Variants in RNF126 observed in about 807,000 individuals in gnomAD.
The protein encoded by RNF126 is E3 ubiquitin-protein ligase RNF126.
Under a neutral mutation model 41.9 loss-of-function variants are expected in RNF126, and 20 were observed. The observed-to-expected ratio is 0.48, with a 90% CI of 0.34 to 0.69. The LOEUF (loss-of-function observed/expected upper bound fraction) is 0.69. RNF126 is among the 30% of genes least tolerant of loss of function. The probability of loss-of-function intolerance (pLI) is 0.01; values close to 1 mark genes in which losing one functional copy is unlikely to be tolerated. For missense variants in RNF126, 433 were observed against 460.6 expected, an observed-to-expected ratio of 0.94 and a Z score of 0.55; for synonymous variants, 239 against 202.9, an observed-to-expected ratio of 1.18 and a Z score of -1.51.
intron 7 of RNF126, 113 bp from the exon 8 acceptor site, chr19:648,600 G>A (rs1182797895): frequency 1.2e-6 from 1 of 848,876 alleles, no homozygotes; most frequent in Non-Finnish European, 1.9e-6. Context: ...AGCGAGGGGA[G>A]AAAAGCCGTG....
intron 2 of RNF126, chr19:652,535 A>AG (rs900450646): frequency 3.3e-6 from 2 of 602,110 alleles, no homozygotes; most frequent in South Asian, 2.0e-5. Flanking sequence ...GAATGTGGGT[A>AG]GGGCCCCCGT....
chr19:661,255 G>C (rs934348979), intron 1 of RNF126: 3 of 152,628 alleles, frequency 2.0e-5, no homozygotes, highest in African/African-American at 7.2e-5. Flanking sequence ...GCCGAGTCAA[G>C]GCAGTGTCGG....
chr19:660,335 G>C (rs920351718), intron 1 of RNF126, among the ~76,000 whole-genome samples: 1 of 152,250 alleles, frequency 6.6e-6, no homozygotes, highest in African/African-American at 2.4e-5. Flanking sequence ...CCAGAGCCCA[G>C]GACAGCAAAG....
rs760254286 is a variant in RNF126, at chr19:652,709, G to A, written c.134+117C>T. 621 of 905,242 alleles carry A rather than the reference G, an allele frequency of 6.9e-4. 1 individual carries two copies. The highest frequency in any genetic ancestry group is 1.0e-3 in the Non-Finnish European group (580 of 567,442). The allele number at this position is 905,242 out of a possible 1,614,324, so 56.1% of individuals were successfully genotyped here. On this transcript the variant is annotated intron_variant, in intron 2 of 8. Transcript: ENST00000292363. ...AGAGAAAAGTGCTCCCGGAGCCACA[G>A]ACACCAGGGCCTGACGGCCCCACAC...
chr19:654,214 C>T (rs925357221), intron 1 of RNF126, among the ~76,000 whole-genome samples: 9 of 152,172 alleles, frequency 5.9e-5, no homozygotes, highest in African/African-American at 2.2e-4. Context: ...CAAACGATGC[C>T]AGATGCACAT....
intron 1 of RNF126, among the ~76,000 whole-genome samples, chr19:653,152 G>A (rs969224673): frequency 9.4e-5 from 14 of 148,894 alleles, no homozygotes; most frequent in East Asian, 3.9e-4. Context: ...CGTCATCAGC[G>A]CCTTGGCTGA....
At chr19:656,342 CA>C (rs1250813846) in intron 1 of RNF126, among the ~76,000 whole-genome samples, 1 of 150,966 alleles carries the variant, frequency 6.6e-6, no homozygotes, top group Non-Finnish European at 1.5e-5. Flanking sequence ...AAAACAAAAA[CA>C]AAAAAAAGAA....
At chr19:650,532 C>A in intron 4 of RNF126, 2 of 399,498 alleles carry the variant, frequency 5.0e-6, no homozygotes, top group Admixed American at 4.3e-5. Context: ...ATCCTCCCGC[C>A]TCAGCCTCCC....
intron 1 of RNF126, among the ~76,000 whole-genome samples, chr19:656,336 C>G (rs1177194658): frequency 6.6e-6 from 1 of 151,090 alleles, no homozygotes; most frequent in Non-Finnish European, 1.5e-5. Flanking sequence ...ATCTCAAAAA[C>G]AAAAACAAAA....
intron 7 of RNF126, 126 bp downstream of exon 7, chr19:648,756 G>A (rs1336600142): frequency 7.3e-6 from 5 of 680,704 alleles, no homozygotes; most frequent in Middle Eastern, 4.1e-4. Flanking sequence ...ATCACCTGAG[G>A]TCAGGAGTTC....
At chr19:648,582 C>T in intron 7 of RNF126, 95 bp from the exon 8 acceptor site, 3 of 1,021,460 alleles carry the variant, frequency 2.9e-6, no homozygotes, top group Middle Eastern at 6.0e-4. Context: ...GAGGCCGCCC[C>T]TGAGCCCAGC....
Position 648,364 on chromosome 19 carries a change from G to T in RNF126, c.786+8C>A. On this transcript the variant is annotated splice_region_variant and intron_variant, in intron 8 of 8. Transcript: ENST00000292363. ...CGGGGTGGGGGGGCGGGTGGGCGGGGCACTCACCTGCTCCAGCCAGGGCAC... is the reference window on the plus strand; with the variant it reads ...CGGGGTGGGGGGGCGGGTGGGCGGGTCACTCACCTGCTCCAGCCAGGGCAC... 3 of 510,486 alleles carry T rather than the reference G, an allele frequency of 5.9e-6. No individual in the cohort carries two copies. The highest frequency in any genetic ancestry group is 1.1e-5 in the Non-Finnish European group (3 of 278,354). 31.6% of individuals were successfully genotyped at this position (510,486 alleles called of 1,614,324 possible). A position where few individuals can be genotyped will look rare whatever the true frequency, so the allele number is the denominator to read the frequency against.
chr19:660,927 C>T (rs756254130), intron 1 of RNF126, among the ~76,000 whole-genome samples: 10 of 152,372 alleles, frequency 6.6e-5, no homozygotes, highest in East Asian at 3.9e-4. Context: ...TGGGATCACC[C>T]GCGGGGTGGA....
intron 1 of RNF126, chr19:661,211 TC>T (rs1453550092): frequency 4.6e-5 from 7 of 152,344 alleles, no homozygotes; most frequent in African/African-American, 7.2e-5. Context: ...CAGGATCCAG[TC>T]CTGTGCGGGC....
At chr19:652,563 GCC>G in intron 2 of RNF126, 1 of 604,538 alleles carries the variant, frequency 1.7e-6, no homozygotes, top group East Asian at 2.8e-5. Flanking sequence ...TCCCCGGAGG[GCC>G]TGGGTCACCA....
rs542593894 is a variant in RNF126 at position 652,354 on chromosome 19, G to C, written c.135-58C>G. On this transcript the variant is annotated intron_variant, in intron 2 of 8. Coordinates refer to ENST00000292363, the MANE Select transcript of RNF126 (RefSeq NM_194460.3). ...TACCCTGTGCCCCCATGCGCCAGGC[G>C]CTCCCTCCCCTCAAAAGCCTATGTT... is the stretch of plus-strand genomic sequence containing the variant. 12 of 1,399,164 alleles carry C rather than the reference G, an allele frequency of 8.6e-6. No individual in the cohort carries two copies. The East Asian group carries it at 3.0e-4, about 35-fold the overall frequency. The allele number at this position is 1,399,164 out of a possible 1,614,324, so 86.7% of individuals were successfully genotyped here. A position where few individuals can be genotyped will look rare whatever the true frequency, so the allele number is the denominator to read the frequency against.
chr19:652,564 C>T (rs1202870469), intron 2 of RNF126: 5 of 604,412 alleles, frequency 8.3e-6, no homozygotes, highest in East Asian at 2.8e-5. Context: ...CCCCGGAGGG[C>T]CTGGGTCACC....
At chr19:650,319 CG>C in intron 4 of RNF126, 23 bp from the exon 5 acceptor site, 4 of 1,565,368 alleles carry the variant, frequency 2.6e-6, no homozygotes, top group Non-Finnish European at 3.5e-6. Context: ...GCGCCAGTCA[CG>C]GGGTGAGGCC....
In RNF126 at chr19:651,722, C is replaced by A. The variant is rs138868462; in HGVS notation, c.332G>T (p.Arg111Leu). Residue 111 changes from arginine to leucine, a missense_variant, in exon 4 of 9, where the codon CGG (arginine) becomes CTG (leucine). Arg to Leu is a moderately radical substitution (Grantham distance 102, BLOSUM62 -2). Coordinates refer to ENST00000292363, the MANE Select transcript of RNF126 (RefSeq NM_194460.3). ...QADDGRDPES[R>L]RERDHPSRHR... ...CCGGGACGGATGGTCTCTCTCCCGC[C>A]GGCTCTCAGGGTCCCTGCCGTCGTC... is the stretch of plus-strand genomic sequence containing the variant. 3.7e-6 allele frequency: 6 copies of A among 1,611,146 alleles called. No homozygotes were observed. The highest frequency in any genetic ancestry group is 5.1e-6 in the Non-Finnish European group (6 of 1,179,226).
Sources: gnomAD v4.1 joint callset for allele counts (sites outside exome capture counted in the v4.1 genomes callset) on GRCh38, gnomAD v4.1.1 for gene constraint, MANE v1.5 for transcripts, NCBI Gene and HGNC (gene_info 2026-07-23, HGNC 2026-07-21) for gene names.